TMEM178B: variants seen among roughly 807,000 people sequenced by gnomAD.
TMEM178B encodes the protein transmembrane protein 178B.
Under a neutral mutation model 31.0 loss-of-function variants are expected in TMEM178B, and 5 were observed. That is an observed-to-expected ratio of 0.16 (90% CI 0.08 to 0.34). The LOEUF (loss-of-function observed/expected upper bound fraction) is 0.34, where lower values mean the gene tolerates loss of function less well. Among genes scored for constraint, TMEM178B ranks in the 10% least tolerant of loss-of-function variants. TMEM178B has a pLI of 1.00. For missense variants in TMEM178B, 275 were observed against 400.3 expected, an observed-to-expected ratio of 0.69 and a Z score of 2.67; for synonymous variants, 164 against 164.0, an observed-to-expected ratio of 1.00 and a Z score of 0.00.
chr7:141,264,662 G>A (rs1045349743), intron 2 of TMEM178B, among the ~76,000 whole-genome samples: 4 of 152,216 alleles, frequency 2.6e-5, no homozygotes, highest in African/African-American at 9.6e-5. Context: ...TTGTCCATCA[G>A]GTGGGTATTA....
At chr7:141,373,129 A>G (rs778070616) in intron 2 of TMEM178B, among the ~76,000 whole-genome samples, 10 of 152,190 alleles carry the variant, frequency 6.6e-5, no homozygotes, top group Non-Finnish European at 1.3e-4. Flanking sequence ...CAGGACTTCA[A>G]TGATGAAATG....
the TMEM178B span, among the ~76,000 whole-genome samples, chr7:141,497,250 C>T: frequency 1.3e-5 from 2 of 152,174 alleles, no homozygotes; most frequent in Non-Finnish European, 2.9e-5. Flanking sequence ...GGAGGCAGAA[C>T]GTGCTTCTAA....
At chr7:141,387,051 G>A (rs1800444295) in intron 2 of TMEM178B, among the ~76,000 whole-genome samples, 1 of 152,140 alleles carries the variant, frequency 6.6e-6, no homozygotes, top group Non-Finnish European at 1.5e-5. Flanking sequence ...GTGGTGGAGG[G>A]TGAGGCCATT....
intron 2 of TMEM178B, among the ~76,000 whole-genome samples, chr7:141,264,406 C>G (rs1798062060): frequency 6.6e-6 from 1 of 152,128 alleles, no homozygotes; most frequent in African/African-American, 2.4e-5. Flanking sequence ...ATGCCAGATG[C>G]AGAAATGTGT....
At chr7:141,443,218 G>A (rs1409136155) in intron 3 of TMEM178B, among the ~76,000 whole-genome samples, 3 of 152,144 alleles carry the variant, frequency 2.0e-5, no homozygotes, top group African/African-American at 7.2e-5. Flanking sequence ...CCAGTTCCCT[G>A]TATTATTAAC....
intron 1 of TMEM178B, among the ~76,000 whole-genome samples, chr7:141,144,969 A>T (rs988371592): frequency 6.6e-6 from 1 of 152,084 alleles, no homozygotes; most frequent in Non-Finnish European, 1.5e-5. Context: ...GGTTGAGGGG[A>T]AATGCTGAGT....
intron 2 of TMEM178B, among the ~76,000 whole-genome samples, chr7:141,265,702 C>A (rs1212646217): frequency 6.6e-6 from 1 of 152,292 alleles, no homozygotes; most frequent in African/African-American, 2.4e-5. Context: ...AACAAAGAAG[C>A]AGAATCAGCT....
chr7:141,260,820 A>G (rs1020433022), intron 2 of TMEM178B, among the ~76,000 whole-genome samples: 1 of 152,256 alleles, frequency 6.6e-6, no homozygotes, highest in African/African-American at 2.4e-5. Flanking sequence ...ACCATGTAAG[A>G]TATCAGAGGA....
chr7:141,436,426 C>T (rs1462724996), intron 2 of TMEM178B, among the ~76,000 whole-genome samples: 1 of 152,100 alleles, frequency 6.6e-6, no homozygotes, highest in African/African-American at 2.4e-5. Context: ...GACCCTGGGG[C>T]AGAGGCAGGA....
intron 2 of TMEM178B, among the ~76,000 whole-genome samples, chr7:141,276,302 C>T (rs747772507): frequency 3.3e-5 from 5 of 152,076 alleles, no homozygotes; most frequent in East Asian, 1.9e-4. Context: ...CATCGCTGAA[C>T]GACGGGGATA....
chr7:141,334,151 G>A (rs1182042301), intron 2 of TMEM178B, among the ~76,000 whole-genome samples: 1 of 152,224 alleles, frequency 6.6e-6, no homozygotes, highest in Non-Finnish European at 1.5e-5. Context: ...ATAGAAACCA[G>A]TATTGATTTC....
intron 2 of TMEM178B, among the ~76,000 whole-genome samples, chr7:141,225,299 C>G (rs1797323708): frequency 6.6e-6 from 1 of 152,184 alleles, no homozygotes. Flanking sequence ...ACCATAGGCT[C>G]TATCTTATTA....
At chr7:141,481,276 G>A (rs1802470188), downstream of TMEM178B, among the ~76,000 whole-genome samples, 2 of 152,284 alleles carry the variant, frequency 1.3e-5, no homozygotes, top group Non-Finnish European at 2.9e-5. Flanking sequence ...CAGGTTTAGG[G>A]TCTTTTAATC....
rs1397557139 is a variant in TMEM178B, at chr7:141,155,743, G to A, written c.383-56848G>A. 2.6e-5 allele frequency among the ~76,000 whole-genome samples: 4 copies of A among 152,146 alleles called. No homozygotes were observed. In the South Asian group the frequency reaches 8.3e-4, roughly 32 times the overall value. On this transcript the variant is annotated intron_variant, in intron 1 of 3. Coordinates refer to ENST00000565468, the MANE Select transcript of TMEM178B (RefSeq NM_001195278.2). ...TGTTATTCAATCTCTGCCCAGACTTGGGGCATGAGTCCTGGCATCAGGCAT... is the reference window on the plus strand; with the variant it reads ...TGTTATTCAATCTCTGCCCAGACTTAGGGCATGAGTCCTGGCATCAGGCAT...
intron 2 of TMEM178B, among the ~76,000 whole-genome samples, chr7:141,300,143 A>G (rs1369477767): frequency 6.6e-6 from 1 of 152,104 alleles, no homozygotes; most frequent in Non-Finnish European, 1.5e-5. Flanking sequence ...AAAAATTACA[A>G]TCCACATTTG....
At chr7:141,250,845 C>T (rs1308913749) in intron 2 of TMEM178B, among the ~76,000 whole-genome samples, 3 of 152,210 alleles carry the variant, frequency 2.0e-5, no homozygotes, top group Non-Finnish European at 4.4e-5. Flanking sequence ...CTGACAGGAT[C>T]AAATGGGTCT....
intron 1 of TMEM178B, among the ~76,000 whole-genome samples, chr7:141,190,791 C>T (rs530967869): frequency 2.0e-5 from 3 of 152,160 alleles, no homozygotes; most frequent in African/African-American, 4.8e-5. Context: ...CTCTCATTTT[C>T]GCAAACTCCC....
chr7:141,360,044 C>T (rs559704076), intron 2 of TMEM178B, among the ~76,000 whole-genome samples: 1 of 152,174 alleles, frequency 6.6e-6, no homozygotes, highest in Non-Finnish European at 1.5e-5. Context: ...TCCCACAACA[C>T]ATGGGAATTA....
intron 2 of TMEM178B, among the ~76,000 whole-genome samples, chr7:141,241,847 A>G (rs1029183912): frequency 6.6e-6 from 1 of 152,174 alleles, no homozygotes; most frequent in African/African-American, 2.4e-5. Context: ...ACTTGGCCCT[A>G]TATATCCAAA....
Sources: allele counts gnomAD v4.1 joint callset (sites outside exome capture counted in the v4.1 genomes callset), GRCh38; gene constraint gnomAD v4.1.1; transcripts MANE v1.5; gene names NCBI Gene and HGNC (gene_info 2026-07-23, HGNC 2026-07-21).